CPLX2: variants seen among roughly 807,000 people sequenced by gnomAD.
CPLX2 encodes complexin 2.
CPLX2 carries 5 observed loss-of-function variants against 16.3 expected under a neutral mutation model. The ratio of observed to expected loss-of-function variants is 0.31; its 90% CI spans 0.16 to 0.64. The LOEUF is 0.64. Among genes scored for constraint, CPLX2 ranks in the 30% least tolerant of loss-of-function variants. CPLX2 has a pLI of 0.79. For missense variants in CPLX2, 144 were observed against 181.4 expected (o/e 0.79, Z 1.18); for synonymous variants, 89 against 73.2 (o/e 1.22, Z -1.10).
intron 2 of CPLX2, among the ~76,000 whole-genome samples, chr5:175,839,270 T>TTG (rs1554119911): frequency 6.7e-6 from 1 of 149,310 alleles, no homozygotes; most frequent in African/African-American, 2.5e-5. Context: ...AATTTTTGTT[T>TTG]TTTTGTTTTG....
chr5:175,850,137 A>T (rs1759120930), intron 2 of CPLX2, among the ~76,000 whole-genome samples: 1 of 141,860 alleles, frequency 7.0e-6, no homozygotes, highest in Non-Finnish European at 1.5e-5. Context: ...GGAGTTTGCA[A>T]GTGACAGTTT....
At chr5:175,828,368 T>C (rs1351964234) in intron 2 of CPLX2, among the ~76,000 whole-genome samples, 1 of 152,188 alleles carries the variant, frequency 6.6e-6, no homozygotes, top group African/African-American at 2.4e-5. Flanking sequence ...TGCTCTCTAT[T>C]ACCCAGCATC....
At chr5:175,835,706 T>C (rs565251892) in intron 2 of CPLX2, among the ~76,000 whole-genome samples, 1 of 75,392 alleles carries the variant, frequency 1.3e-5, no homozygotes, top group South Asian at 3.1e-4. Flanking sequence ...AAGTGGTTTT[T>C]ATTTATTTAT....
intron 2 of CPLX2, among the ~76,000 whole-genome samples, chr5:175,822,808 A>G (rs1289533632): frequency 6.6e-6 from 1 of 152,216 alleles, no homozygotes; most frequent in East Asian, 1.9e-4. Context: ...CCATTCCCAT[A>G]GCCAGGCCTG....
At chr5:175,847,866 TC>T (rs554023716) in intron 2 of CPLX2, among the ~76,000 whole-genome samples, 1 of 152,108 alleles carries the variant, frequency 6.6e-6, no homozygotes, top group Non-Finnish European at 1.5e-5. Context: ...TGTCTGTCAG[TC>T]CCCCCGTGAG....
chr5:175,842,298 A>C (rs1239774518), intron 2 of CPLX2, among the ~76,000 whole-genome samples: 2 of 152,256 alleles, frequency 1.3e-5, no homozygotes, highest in Admixed American at 1.3e-4. Context: ...CCTACTGTGT[A>C]CTAGACATTT....
intron 2 of CPLX2, among the ~76,000 whole-genome samples, chr5:175,814,019 A>G (rs1758360506): frequency 6.6e-6 from 1 of 152,250 alleles, no homozygotes; most frequent in South Asian, 2.1e-4. Context: ...ATATGTATTA[A>G]AGGTCAAAAA....
intron 2 of CPLX2, chr5:175,861,825 G>T (rs891553305): frequency 6.6e-6 from 1 of 152,250 alleles, no homozygotes; most frequent in Admixed American, 6.5e-5. Flanking sequence ...TCAAGAGGGG[G>T]TGTAGGCTGG....
At position 175,880,295 on chromosome 5, in the gene CPLX2, G is replaced by GA. The variant is rs1166427576; in HGVS notation, c.*250_*251insA. On this transcript the variant is annotated 3_prime_UTR_variant, in exon 4 of 4. Coordinates refer to ENST00000393745, the MANE Select transcript of CPLX2 (RefSeq NM_001008220.2). The stretch of plus-strand genomic sequence containing the variant: ...GTCTTTCCCCAGCAGGGGTCAGGGG[G>GA]GCCCCTCAGGAAGCCTAAGGTCGTG... 1 of 575,100 alleles carries GA rather than the reference G, an allele frequency of 1.7e-6. No homozygotes were observed. Among genetic ancestry groups the GA allele is most frequent in the Non-Finnish European group, 3.2e-6 (1 of 316,254 alleles). 35.6% of individuals were successfully genotyped at this position (575,100 alleles called of 1,614,324 possible).
chr5:175,815,450 A>G lies in CPLX2; in HGVS notation c.-89+6382A>G, dbSNP rs575594418. Among the ~76,000 whole-genome samples the G allele has an allele frequency of 5.6e-3, 846 of 152,202 alleles. 10 individuals carry two copies. The highest frequency in any genetic ancestry group is 0.019 in the African/African-American group (794 of 41,508). ...TAGCAGGACAGCCGCTGCCCACTCC[A>G]GGGAGTGGAGTTACCACTCCAGCAG... On this transcript the variant is annotated intron_variant, in intron 2 of 4. Coordinates refer to the CPLX2 transcript ENST00000359546.
At chr5:175,846,332 G>A (rs192008765) in intron 2 of CPLX2, among the ~76,000 whole-genome samples, 155 of 147,578 alleles carry the variant, frequency 1.1e-3, no homozygotes, top group African/African-American at 3.6e-3. Flanking sequence ...GGGCTGCGTG[G>A]AGAGTCAGAG....
At chr5:175,844,694 G>A (rs997763051) in intron 2 of CPLX2, among the ~76,000 whole-genome samples, 2 of 152,226 alleles carry the variant, frequency 1.3e-5, no homozygotes, top group African/African-American at 2.4e-5. Context: ...GGAGGCTGGC[G>A]GAGCTTGCTG....
At chr5:175,835,200 A>G (rs183450453) in intron 2 of CPLX2, among the ~76,000 whole-genome samples, 3 of 152,362 alleles carry the variant, frequency 2.0e-5, no homozygotes, top group East Asian at 1.9e-4. Flanking sequence ...TTTAGATCAT[A>G]TTACAGTTAC....
chr5:175,879,822 C>G (rs377654643), intron 3 of CPLX2, 26 bp from the exon 4 acceptor site: 1 of 1,594,202 alleles, frequency 6.3e-7, no homozygotes. Context: ...CCGCTTCATG[C>G]GCGTCTCTGC....
At chr5:175,842,030 C>T (rs777674469) in intron 2 of CPLX2, among the ~76,000 whole-genome samples, 104 of 152,222 alleles carry the variant, frequency 6.8e-4, no homozygotes, top group Non-Finnish European at 1.3e-3. Flanking sequence ...CCCATAGGCC[C>T]TCCCTTCCAG....
chr5:175,835,770 G>A (rs1382296406), intron 2 of CPLX2, among the ~76,000 whole-genome samples: 6 of 111,842 alleles, frequency 5.4e-5, no homozygotes, highest in East Asian at 2.8e-4. Flanking sequence ...ACAGGATCTC[G>A]CTCTGTCGCC....
In CPLX2 at chr5:175,809,900, CAGAG is replaced by C. The variant is rs775605372; in HGVS notation, c.-89+837_-89+840del. Among the ~76,000 whole-genome samples, 2 of 152,226 alleles carry C rather than the reference CAGAG, an allele frequency of 1.3e-5. No homozygotes were observed. Among genetic ancestry groups the C allele is most frequent in the African/African-American group, 4.8e-5 (2 of 41,450 alleles). ...GCATACAGTGAGCCACATATTTGCACAGAGAGAGTGTATGTGGATATAGAGATCG... is the reference window on the plus strand; with the variant it reads ...GCATACAGTGAGCCACATATTTGCACAGAGTGTATGTGGATATAGAGATCG... On this transcript the variant is annotated intron_variant, in intron 2 of 4. Transcript: ENST00000359546. This position sits in a 1 kb window ranked among gnomAD's most constrained non-coding sequence, Gnocchi z 4.4.
chr5:175,871,448 A>AGAGAGAGAGAGG (rs1759603914), upstream of CPLX2: 5 of 109,726 alleles, frequency 4.6e-5, no homozygotes, highest in Non-Finnish European at 8.3e-5. Context: ...AGAGAGAGAG[A>AGAGAGAGAGAGG]GAGAGAGAGA....
intron 2 of CPLX2, among the ~76,000 whole-genome samples, chr5:175,841,546 TAGC>T (rs1213642597): frequency 6.6e-6 from 1 of 152,198 alleles, no homozygotes; most frequent in African/African-American, 2.4e-5. Flanking sequence ...CTCCTGCTGC[TAGC>T]AAGAACCCTA....
Sources: allele counts gnomAD v4.1 joint callset (sites outside exome capture counted in the v4.1 genomes callset), GRCh38; gene constraint gnomAD v4.1.1; non-coding constraint Gnocchi (gnomAD v3.1); transcripts MANE v1.5; gene names NCBI Gene and HGNC (gene_info 2026-07-23, HGNC 2026-07-21).